The following NCAM1 variants were observed in gnomAD, a reference collection of about 807,000 sequenced individuals.
The protein encoded by NCAM1 is neural cell adhesion molecule 1.
Under a neutral mutation model 109.8 loss-of-function variants are expected in NCAM1, and 14 were observed. The observed-to-expected ratio is 0.13, with a 90% CI of 0.08 to 0.20. The LOEUF (loss-of-function observed/expected upper bound fraction) is 0.20, where lower values mean the gene tolerates loss of function less well. Ranked by LOEUF, NCAM1 falls within the 10% of genes least tolerant of loss-of-function variation. The pLI is 1.00. For missense variants in NCAM1, 774 were observed against 1,109.9 expected, an observed-to-expected ratio of 0.70 and a Z score of 4.30; for synonymous variants, 418 against 442.9, an observed-to-expected ratio of 0.94 and a Z score of 0.70.
intron 8 of NCAM1, among the ~76,000 whole-genome samples, chr11:113,220,282 T>C (rs1423406887): frequency 6.6e-6 from 1 of 152,188 alleles, no homozygotes; most frequent in African/African-American, 2.4e-5. Flanking sequence ...TGGAATGCCA[T>C]GTTTGATGGA....
intron 16 of NCAM1, among the ~76,000 whole-genome samples, chr11:113,259,369 G>A (rs538714373): frequency 9.2e-5 from 14 of 151,990 alleles, no homozygotes; most frequent in Non-Finnish European, 1.9e-4. Context: ...CATTTTTAAC[G>A]AAACTGGAAT....
intron 1 of NCAM1, among the ~76,000 whole-genome samples, chr11:113,169,036 CTGTGTGTGTGTGTGTG>C (rs10562516): frequency 2.7e-5 from 4 of 146,896 alleles, no homozygotes; most frequent in African/African-American, 1.0e-4. Context: ...CTTCCTCTTT[CTGTGTGTGTGTGTGTG>C]TGTGTGTGTG....
intron 1 of NCAM1, among the ~76,000 whole-genome samples, chr11:113,036,301 G>T (rs782547498): frequency 9.9e-5 from 15 of 152,050 alleles, no homozygotes; most frequent in Non-Finnish European, 1.8e-4. Context: ...CAACAGAAGA[G>T]CCACCCTTTT....
rs373487414 is a variant in NCAM1 at position 113,231,634 on chromosome 11, A to AC, written c.1090-6dup. 3.2e-4 allele frequency: 356 copies of AC among 1,118,954 alleles called. 1 individual carries two copies. The African/African-American group carries it at 4.8e-3, about 15-fold the overall frequency. 69.3% of individuals were successfully genotyped at this position (1,118,954 alleles called of 1,614,324 possible). Reference sequence around the variant, plus strand: ...GCTCTGACATGCTCCCTTCCCCCCCACCCCCGGCAGACTCTGGATGGGCAC... The same window carrying AC: ...GCTCTGACATGCTCCCTTCCCCCCCACCCCCCGGCAGACTCTGGATGGGCAC... On this transcript the variant is annotated splice_polypyrimidine_tract_variant and intron_variant, in intron 9 of 19. Transcript: ENST00000316851.
chr11:113,099,766 G>A (rs1939783856), intron 1 of NCAM1, among the ~76,000 whole-genome samples: 1 of 152,124 alleles, frequency 6.6e-6, no homozygotes, highest in African/African-American at 2.4e-5. Flanking sequence ...TCAGCTCACT[G>A]CGACCTCCGC....
intron 1 of NCAM1, among the ~76,000 whole-genome samples, chr11:112,981,674 G>A (rs1951158509): frequency 6.6e-6 from 1 of 151,840 alleles, no homozygotes; most frequent in African/African-American, 2.4e-5. Flanking sequence ...TGTATTTGGT[G>A]CAGCTATTCC....
intron 1 of NCAM1, among the ~76,000 whole-genome samples, chr11:112,977,159 G>T (rs981838926): frequency 2.6e-5 from 4 of 151,500 alleles, no homozygotes; most frequent in Non-Finnish European, 5.9e-5. Flanking sequence ...GATTAGAGAT[G>T]CTTCTTAAAT....
intron 5 of NCAM1, 108 bp downstream of exon 5, chr11:113,206,288 T>C: frequency 8.2e-7 from 1 of 1,224,714 alleles, no homozygotes; most frequent in Non-Finnish European, 1.1e-6. Flanking sequence ...CTGTCCTGAC[T>C]CAATCATCCG....
intron 1 of NCAM1, among the ~76,000 whole-genome samples, chr11:113,000,817 CATATATATAT>C (rs375984527): frequency 9.7e-4 from 126 of 129,450 alleles, no homozygotes; most frequent in South Asian, 2.9e-3. Flanking sequence ...ATTATATATA[CATATATATAT>C]ATATATATAT....
intron 1 of NCAM1, among the ~76,000 whole-genome samples, chr11:113,009,871 A>G (rs932656768): frequency 3.3e-5 from 5 of 152,176 alleles, no homozygotes; most frequent in Non-Finnish European, 7.3e-5. Flanking sequence ...GGCCTACTGG[A>G]AGGGAATAAA....
At chr11:113,165,092 C>T (rs1473730973) in intron 1 of NCAM1, among the ~76,000 whole-genome samples, 1 of 152,158 alleles carries the variant, frequency 6.6e-6, no homozygotes, top group Non-Finnish European at 1.5e-5. Context: ...TGGCAGCAAG[C>T]ACCCAGCATG....
chr11:113,112,809 C>A (rs1212516752), intron 1 of NCAM1, among the ~76,000 whole-genome samples: 1 of 151,950 alleles, frequency 6.6e-6, no homozygotes, highest in African/African-American at 2.4e-5. Context: ...GAAGTGGAAT[C>A]CCCCAACTTT....
At chr11:113,205,719 T>TA in intron 4 of NCAM1, 53 bp downstream of exon 4, 1 of 1,585,594 alleles carries the variant, frequency 6.3e-7, no homozygotes, top group Non-Finnish European at 8.6e-7. Context: ...CCAAGTTCCC[T>TA]AGCTTTTTCA....
At chr11:113,270,128 A>T in intron 17 of NCAM1, 60 bp from the exon 18 acceptor site, 1 of 1,546,408 alleles carries the variant, frequency 6.5e-7, no homozygotes, top group Non-Finnish European at 8.9e-7. Flanking sequence ...TTTTGCTGGC[A>T]GGGTCTGGAG....
intron 17 of NCAM1, among the ~76,000 whole-genome samples, chr11:113,261,638 T>C (rs1421195622): frequency 6.6e-6 from 1 of 152,222 alleles, no homozygotes; most frequent in Non-Finnish European, 1.5e-5. Context: ...TTGCTTTTCC[T>C]CTGCCCCTTC....
chr11:112,996,893 C>T (rs534949674), intron 1 of NCAM1, among the ~76,000 whole-genome samples: 1 of 152,298 alleles, frequency 6.6e-6, no homozygotes, highest in Non-Finnish European at 1.5e-5. Context: ...GAGATTTCTC[C>T]AGCTAAAATG....
intron 1 of NCAM1, among the ~76,000 whole-genome samples, chr11:113,017,143 G>A (rs782288989): frequency 6.6e-6 from 1 of 152,160 alleles, no homozygotes; most frequent in Non-Finnish European, 1.5e-5. Context: ...GTTTCCATGA[G>A]GTAGAAGAAA....
intron 1 of NCAM1, among the ~76,000 whole-genome samples, chr11:112,964,897 T>C (rs1473800920): frequency 6.6e-6 from 1 of 152,218 alleles, no homozygotes; most frequent in Non-Finnish European, 1.5e-5. Flanking sequence ...GTGTGGGCTA[T>C]GATTTATGTA....
Position 112,961,560 on chromosome 11 carries a change from G to GGA in NCAM1, c.-52_-51insAG. The GGA allele has an allele frequency of 8.7e-7, 1 of 1,144,776 alleles. No individual in the cohort carries two copies. Among genetic ancestry groups the GGA allele is most frequent in the African/African-American group, 1.5e-5 (1 of 65,668 alleles). 70.9% of individuals were successfully genotyped at this position (1,144,776 alleles called of 1,614,324 possible). ...CGCCGTCCACACTCGCTGCAGGGGG[G>GGA]GGGGCACAGAATTTACCGCGGCAAG... On this transcript the variant is annotated 5_prime_UTR_variant, in exon 1 of 20. Transcript: ENST00000316851.
Sources: allele counts gnomAD v4.1 joint callset (sites outside exome capture counted in the v4.1 genomes callset), GRCh38; gene constraint gnomAD v4.1.1; transcripts MANE v1.5; gene names NCBI Gene and HGNC (gene_info 2026-07-23, HGNC 2026-07-21).